The following SIDT2 variants were observed in gnomAD, a reference collection of about 807,000 sequenced individuals.
The protein encoded by SIDT2 is SID1 transmembrane family, member 2.
Under a neutral mutation model 114.4 loss-of-function variants are expected in SIDT2, and 68 were observed. The ratio of observed to expected loss-of-function variants is 0.59; its 90% CI spans 0.49 to 0.73. The LOEUF (loss-of-function observed/expected upper bound fraction) is 0.73. Among genes scored for constraint, SIDT2 ranks in the 30% least tolerant of loss-of-function variants. The pLI, the probability that SIDT2 is intolerant of heterozygous loss-of-function variation, is 0.00. For missense variants in SIDT2, 918 were observed against 1,097.1 expected (o/e 0.84, Z 2.31); for synonymous variants, 470 against 438.4 (o/e 1.07, Z -0.90).
intron 24 of SIDT2, chr11:117,194,204 A>G (rs1192120653): frequency 2.6e-6 from 1 of 390,238 alleles, no homozygotes; most frequent in Non-Finnish European, 4.7e-6. Context: ...AGTCCTAGCT[A>G]CCTCGGAAGC....
At chr11:117,191,807 T>G (rs2030710302) in intron 18 of SIDT2, 71 bp from the exon 19 acceptor site, 3 of 1,574,076 alleles carry the variant, frequency 1.9e-6, no homozygotes, top group Non-Finnish European at 2.6e-6. Context: ...TCTGGGATTG[T>G]TGGGGCCAGG....
chr11:117,189,843 C>T (rs766420696), intron 15 of SIDT2, 109 bp from the exon 16 acceptor site: 2 of 956,954 alleles, frequency 2.1e-6, no homozygotes, highest in Non-Finnish European at 3.3e-6. Flanking sequence ...TTCCCACCTG[C>T]TAGCTGTGGT....
chr11:117,186,874 G>T (rs894001758), intron 10 of SIDT2: 4 of 1,258,698 alleles, frequency 3.2e-6, no homozygotes, highest in Non-Finnish European at 4.5e-6. Flanking sequence ...GATGGTGTCT[G>T]CCTGCCTTGG....
chr11:117,191,689 G>T, intron 18 of SIDT2, 189 bp from the exon 19 acceptor site: 2 of 712,394 alleles, frequency 2.8e-6, no homozygotes, highest in East Asian at 2.6e-5. Context: ...GACAGCCAGT[G>T]GGGTGGCAGT....
Position 117,187,657 on chromosome 11 carries a change from G to C in SIDT2, c.1117G>C (p.Val373Leu). The C allele has an allele frequency of 1.2e-6, 2 of 1,614,108 alleles. No individual in the cohort carries two copies. The change falls in exon 12 of 26, where the codon GTT becomes CTT. Residue 373 changes from valine (V) to leucine (L), a missense_variant. By Grantham distance (32) the Val-to-Leu change is conservative (BLOSUM62 1). Around this residue, in one of 4 missense-constraint regions of SIDT2, gnomAD observed 553 missense variants for 600.1 expected, o/e 0.92. Coordinates refer to ENST00000324225, the MANE Select transcript of SIDT2 (RefSeq NM_001040455.2). ...TGTTTCTGGATCTACCGATGGTCTG[G>C]TTGACAGCGCTGGCACTGGGGACCT... ...ENVSGSTDGL[V>L]DSAGTGDLSY... is the part of the protein sequence containing the mutation.
intron 6 of SIDT2, among the ~76,000 whole-genome samples, chr11:117,183,076 G>C (rs1212716586): frequency 6.6e-6 from 1 of 152,216 alleles, no homozygotes; most frequent in Non-Finnish European, 1.5e-5. Context: ...GAGCGCGGTG[G>C]CTCATTCCTG....
At position 117,196,247 on chromosome 11, in the gene SIDT2, G is replaced by C. The variant is rs1470029812; in HGVS notation, c.*181G>C. ...CAGCCATGGGGTGGCATGGAACCTT[G>C]CAGCTGCCCTCTGCCGAGGAGCAGG... On this transcript the variant is annotated 3_prime_UTR_variant, in exon 26 of 26. Coordinates refer to ENST00000324225, the MANE Select transcript of SIDT2 (RefSeq NM_001040455.2). This position sits in a 1 kb window ranked among gnomAD's most constrained non-coding sequence, Gnocchi z 4.9. 1 of 765,804 alleles carries C rather than the reference G, an allele frequency of 1.3e-6. No homozygotes were observed. Among genetic ancestry groups the C allele is most frequent in the East Asian group, 2.7e-5 (1 of 37,142 alleles). The allele number at this position is 765,804 out of a possible 1,614,324, so 47.4% of individuals were successfully genotyped here.
intron 10 of SIDT2, 41 bp from the exon 11 acceptor site, chr11:117,187,337 C>CT: frequency 6.3e-7 from 1 of 1,588,086 alleles, no homozygotes. Flanking sequence ...CTAGGCCTCT[C>CT]TCTTCGTCCA....
At chr11:117,194,237 C>T (rs1319852209) in intron 24 of SIDT2, 9 of 318,116 alleles carry the variant, frequency 2.8e-5, no homozygotes, top group African/African-American at 4.3e-5. Flanking sequence ...ATAGCCTGTG[C>T]AGGAGTTCCA....
In SIDT2 at chr11:117,193,231, TTACTTCGCCTTC is replaced by T; in HGVS notation, c.2188_2199del (p.Phe730_Tyr733del). 1 of 1,614,034 alleles carries T rather than the reference TTACTTCGCCTTC, an allele frequency of 6.2e-7. No homozygotes were observed. Among genetic ancestry groups the T allele is most frequent in the Non-Finnish European group, 8.5e-7 (1 of 1,179,954 alleles). On this transcript the variant is annotated inframe_deletion, in exon 23 of 26. Coordinates refer to ENST00000324225, the MANE Select transcript of SIDT2 (RefSeq NM_001040455.2). ...CCATTGGCATCTGCAACCTGCTCCT[TTACTTCGCCTTC>T]TACATCATCATGAAGGTGAGTGGGG...
chr11:117,194,933 A>G (rs757870073), intron 24 of SIDT2, among the ~76,000 whole-genome samples: 1 of 151,802 alleles, frequency 6.6e-6, no homozygotes. Flanking sequence ...GTAAAAATAC[A>G]AAAGTTAGCT....
At chr11:117,179,536 C>G in intron 1 of SIDT2, 90 bp downstream of exon 1, 1 of 1,399,254 alleles carries the variant, frequency 7.1e-7, no homozygotes, top group Admixed American at 2.1e-5. Context: ...TTTGGGAGGC[C>G]CCAGGAACGA....
intron 4 of SIDT2, 28 bp from the exon 5 acceptor site, chr11:117,182,491 G>GAT: frequency 6.3e-7 from 1 of 1,584,788 alleles, no homozygotes; most frequent in East Asian, 2.2e-5. Context: ...CATGAGATGG[G>GAT]GCTCTCCCTT....
chr11:117,183,172 CG>C (rs1037627954), intron 6 of SIDT2, among the ~76,000 whole-genome samples: 16 of 151,992 alleles, frequency 1.1e-4, no homozygotes, highest in African/African-American at 3.4e-4. Flanking sequence ...GCTGAAACCC[CG>C]TCTCTACTAA....
In SIDT2 at chr11:117,185,698, C is replaced by T. The variant is rs569100213; in HGVS notation, c.869-432C>T. ...TTCAAGACCAGCCTGAGCAACATAG[C>T]GAGACCCAATCTCTATAAAAAATAA... On this transcript the variant is annotated intron_variant, in intron 8 of 25. Transcript: ENST00000324225. Among the ~76,000 whole-genome samples, 33 of 151,820 alleles carry T rather than the reference C, an allele frequency of 2.2e-4. 1 individual carries two copies. Among genetic ancestry groups the T allele is most frequent in the Admixed American group, 2.0e-3 (30 of 15,222 alleles).
rs779483342 is a variant in SIDT2, at chr11:117,187,446, T to G, written c.1084T>G (p.Phe362Val). 21 of 1,614,070 alleles carry G rather than the reference T, an allele frequency of 1.3e-5. No homozygotes were observed. Among genetic ancestry groups the G allele is most frequent in the Non-Finnish European group, 1.8e-5 (21 of 1,179,954 alleles). ...TTATGAGGGTTACAACTATGGCTCC[T>G]TTGGTACGTGTCAAAGCCAGCACCG... ...SPYEGYNYGSFENVSGSTDGL... is the reference protein window; with the variant it reads ...SPYEGYNYGSVENVSGSTDGL... Residue 362 changes from phenylalanine to valine, a missense_variant, in exon 11 of 26, where the codon TTT (phenylalanine) becomes GTT (valine). Coordinates refer to ENST00000324225, the MANE Select transcript of SIDT2 (RefSeq NM_001040455.2).
intron 24 of SIDT2, among the ~76,000 whole-genome samples, chr11:117,194,771 G>A (rs541914608): frequency 2.6e-5 from 4 of 152,218 alleles, no homozygotes; most frequent in Admixed American, 1.3e-4. Flanking sequence ...GAAAAAGTGC[G>A]CCTTGTTCTG....
In SIDT2 at chr11:117,181,925, A is replaced by G. The variant is rs369119527; in HGVS notation, c.424A>G (p.Thr142Ala). Reference sequence around the variant, plus strand: ...TGTGTCCACCCTGTCACCAGTCAACACCACATACCAGCTCCGGGTCAGCCG... The same window carrying G: ...TGTGTCCACCCTGTCACCAGTCAACGCCACATACCAGCTCCGGGTCAGCCG... ...VDVSTLSPVN[T>A]TYQLRVSRMD... is the part of the protein sequence containing the mutation. Residue 142 changes from threonine (T) to alanine (A), a missense_variant, in exon 3 of 26, where the codon ACC becomes GCC. By Grantham distance (58) the Thr-to-Ala change is moderately conservative (BLOSUM62 0). Coordinates refer to ENST00000324225, the MANE Select transcript of SIDT2 (RefSeq NM_001040455.2). 2 of 1,614,122 alleles carry G rather than the reference A, an allele frequency of 1.2e-6. No individual in the cohort carries two copies. Among genetic ancestry groups the G allele is most frequent in the Non-Finnish European group, 1.7e-6 (2 of 1,180,034 alleles).
rs776866666 is a variant in SIDT2 at position 117,192,058 on chromosome 11, G to T, written c.1872+44G>T. On this transcript the variant is annotated intron_variant, in intron 19 of 25. Transcript: ENST00000324225. This position sits in a 1 kb window ranked among gnomAD's most constrained non-coding sequence, Gnocchi z 5.9. ...CTGCTCAGCCTGTATGATAGGAAAG[G>T]TGCACGTGCGTTCAGACACGTAGTG... 1.2e-6 allele frequency: 2 copies of T among 1,611,118 alleles called. No homozygotes were observed. Among genetic ancestry groups the T allele is most frequent in the Non-Finnish European group, 1.7e-6 (2 of 1,178,162 alleles).
Sources: gnomAD v4.1 joint callset for allele counts (sites outside exome capture counted in the v4.1 genomes callset) on GRCh38, gnomAD v4.1.1 for gene constraint, gnomAD v4.1.1 regional missense constraint, Gnocchi (gnomAD v3.1) non-coding constraint, MANE v1.5 for transcripts, NCBI Gene and HGNC (gene_info 2026-07-23, HGNC 2026-07-21) for gene names.